Variants in COLEC10 observed in about 807,000 individuals in gnomAD.
The protein encoded by COLEC10 is collectin-10.
COLEC10 carries 22 observed loss-of-function variants against 28.4 expected under a neutral mutation model. The ratio of observed to expected loss-of-function variants is 0.78; its 90% CI spans 0.55 to 1.11. COLEC10 has a LOEUF of 1.11. Among genes scored for constraint, COLEC10 ranks in the 50% least tolerant of loss-of-function variants. The pLI, the probability that COLEC10 is intolerant of heterozygous loss-of-function variation, is 0.00. For missense variants in COLEC10, 361 were observed against 344.1 expected (o/e 1.05, Z -0.39); for synonymous variants, 125 against 116.1 (o/e 1.08, Z -0.49).
chr8:119,032,235 G>A (rs918472329), intron 2 of COLEC10, among the ~76,000 whole-genome samples: 1 of 152,200 alleles, frequency 6.6e-6, no homozygotes, highest in African/African-American at 2.4e-5. Context: ...ATAAGTTGAG[G>A]GGTGGGTTGC....
intron 1 of COLEC10, among the ~76,000 whole-genome samples, chr8:118,999,080 C>A (rs917950938): frequency 3.3e-5 from 5 of 152,014 alleles, no homozygotes; most frequent in Admixed American, 1.3e-4. Flanking sequence ...TGTCCAAGGT[C>A]ACACAGTATG....
chr8:119,007,077 A>T (rs4495460), intron 1 of COLEC10, among the ~76,000 whole-genome samples: 88,180 of 151,322 alleles, frequency 0.58, 26,336 homozygotes, highest in African/African-American at 0.72. Flanking sequence ...CAAAGATGGC[A>T]AAACTATAAG....
At chr8:118,981,116 T>C in the COLEC10 span, among the ~76,000 whole-genome samples, 1 of 151,894 alleles carries the variant, frequency 6.6e-6, no homozygotes, top group Non-Finnish European at 1.5e-5. Context: ...TATAACACAA[T>C]AGGGAGTGGT....
At chr8:118,993,885 G>A (rs1183833783), upstream of COLEC10, among the ~76,000 whole-genome samples, 1 of 152,032 alleles carries the variant, frequency 6.6e-6, no homozygotes, top group Non-Finnish European at 1.5e-5. Flanking sequence ...GAAGCACTGG[G>A]GCCCTGGTTA....
intron 2 of COLEC10, among the ~76,000 whole-genome samples, chr8:119,090,542 G>T (rs1254031530): frequency 6.6e-6 from 1 of 152,082 alleles, no homozygotes; most frequent in African/African-American, 2.4e-5. Context: ...TATGCATGTC[G>T]ATTACAAGAT....
chr8:119,012,051 A>C (rs919751383), intron 2 of COLEC10, among the ~76,000 whole-genome samples: 4 of 150,788 alleles, frequency 2.7e-5, no homozygotes, highest in Non-Finnish European at 5.9e-5. Context: ...TGATTTTAGC[A>C]GGAAAGCTTA....
chr8:118,978,367 C>G, the COLEC10 span, among the ~76,000 whole-genome samples: 1 of 152,002 alleles, frequency 6.6e-6, no homozygotes, highest in Non-Finnish European at 1.5e-5. Flanking sequence ...GAAAAGGTCC[C>G]AAATATCAAA....
chr8:119,063,538 C>T (rs1814895602), upstream of COLEC10, among the ~76,000 whole-genome samples: 1 of 152,020 alleles, frequency 6.6e-6, no homozygotes, highest in Non-Finnish European at 1.5e-5. Context: ...TGTCTCCCTC[C>T]TTTGGGTGTC....
the COLEC10 span, among the ~76,000 whole-genome samples, chr8:118,989,835 T>C: frequency 6.6e-6 from 1 of 152,014 alleles, no homozygotes; most frequent in Non-Finnish European, 1.5e-5. Flanking sequence ...ACCAGAAATC[T>C]TTTAGATTTC....
intron 3 of COLEC10, 78 bp downstream of exon 3, chr8:119,091,298 C>A: frequency 9.3e-7 from 1 of 1,077,848 alleles, no homozygotes; most frequent in Non-Finnish European, 1.4e-6. Context: ...ACCAGTAATC[C>A]CAACACTCAG....
the COLEC10 span, among the ~76,000 whole-genome samples, chr8:118,985,962 A>G: frequency 6.6e-6 from 1 of 152,058 alleles, no homozygotes; most frequent in African/African-American, 2.4e-5. Flanking sequence ...TGACCAGAAG[A>G]GGCAACTACT....
intron 2 of COLEC10, among the ~76,000 whole-genome samples, chr8:119,060,709 T>C (rs1354637895): frequency 6.6e-6 from 1 of 152,062 alleles, no homozygotes; most frequent in Non-Finnish European, 1.5e-5. Flanking sequence ...GAGATGCAGG[T>C]AATGAGAATG....
intron 2 of COLEC10, among the ~76,000 whole-genome samples, chr8:119,048,910 T>C (rs1454571386): frequency 6.6e-6 from 1 of 152,196 alleles, no homozygotes; most frequent in Non-Finnish European, 1.5e-5. Flanking sequence ...GGCTTGATTA[T>C]GTGATTGCTT....
At chr8:118,989,382 A>G in the COLEC10 span, among the ~76,000 whole-genome samples, 2 of 152,142 alleles carry the variant, frequency 1.3e-5, no homozygotes, top group South Asian at 2.1e-4. Context: ...TGTAATGCCT[A>G]TAGTTGGAAT....
intron 2 of COLEC10, among the ~76,000 whole-genome samples, chr8:119,061,515 A>G (rs1414258208): frequency 1.3e-5 from 2 of 152,036 alleles, no homozygotes; most frequent in Admixed American, 1.3e-4. Context: ...GAAAATGTGA[A>G]CAACATCAAA....
chr8:119,024,549 T>C (rs1814154663), intron 2 of COLEC10, among the ~76,000 whole-genome samples: 1 of 147,642 alleles, frequency 6.8e-6, no homozygotes, highest in Non-Finnish European at 1.5e-5. Context: ...CACATACATA[T>C]GCATACATGT....
chr8:119,001,668 T>A (rs1813702679), intron 1 of COLEC10, among the ~76,000 whole-genome samples: 1 of 151,866 alleles, frequency 6.6e-6, no homozygotes, highest in Non-Finnish European at 1.5e-5. Context: ...CAAACCTGGT[T>A]CTCGATTCCA....
chr8:119,083,552 A>C (rs1389537302), intron 1 of COLEC10, among the ~76,000 whole-genome samples: 1 of 152,160 alleles, frequency 6.6e-6, no homozygotes, highest in Non-Finnish European at 1.5e-5. Context: ...TATGCTTGCA[A>C]TATTTATGCA....
chr8:119,105,855 G>A lies in COLEC10; in HGVS notation c.498G>A (p.Glu166=). The A allele has an allele frequency of 6.2e-7, 1 of 1,613,678 alleles. No homozygotes were observed. Among genetic ancestry groups the A allele is most frequent in the Non-Finnish European group, 8.5e-7 (1 of 1,179,792 alleles). ...AATTCTACTACATCGTGCAGGAAGA[G>A]AAGAACTACAGGGAATCCCTAACCC... The part of the protein sequence containing the change: ...EEKFYYIVQE[E]KNYRESLTHC... Residue 166 remains glutamate (E), a synonymous_variant, in exon 6 of 6, where the codon GAG becomes GAA. Coordinates refer to ENST00000332843, the MANE Select transcript of COLEC10 (RefSeq NM_006438.5).
Sources: allele counts gnomAD v4.1 joint callset (sites outside exome capture counted in the v4.1 genomes callset), GRCh38; gene constraint gnomAD v4.1.1; transcripts MANE v1.5; gene names NCBI Gene and HGNC (gene_info 2026-07-23, HGNC 2026-07-21).